The following FRY variants were observed in gnomAD, a reference collection of about 807,000 sequenced individuals.
FRY encodes the protein protein furry homolog.
A neutral mutation model predicts 348.4 loss-of-function variants in FRY; 128 were observed. That is an observed-to-expected ratio of 0.37 (90% confidence interval 0.32 to 0.43). FRY has a LOEUF of 0.43. Among genes scored for constraint, FRY ranks in the 20% least tolerant of loss-of-function variants. The probability of loss-of-function intolerance (pLI) is 1.00; values close to 1 mark genes in which losing one functional copy is unlikely to be tolerated. For missense variants in FRY, 2,736 were observed against 3,695.2 expected (o/e 0.74, Z 6.73); for synonymous variants, 1,370 against 1,374.7 (o/e 1.00, Z 0.08).
At chr13:32,188,956 T>C (rs1020573371) in intron 28 of FRY, among the ~76,000 whole-genome samples, 2 of 152,128 alleles carry the variant, frequency 1.3e-5, no homozygotes, top group African/African-American at 2.4e-5. Flanking sequence ...GTGTTGGTTA[T>C]TGTGTCTGCT....
Position 32,237,803 on chromosome 13 carries a change from G to T in FRY, c.6235G>T (p.Ala2079Ser). 4 of 1,614,190 alleles carry T rather than the reference G, an allele frequency of 2.5e-6. No individual in the cohort carries two copies. The highest frequency in any genetic ancestry group is 3.4e-6 in the Non-Finnish European group (4 of 1,180,026). Reference protein sequence around the residue: ...RLLAHMPLDKAENREKLEKLQ... With the variant: ...RLLAHMPLDKSENREKLEKLQ... ...ACTGGCACATATGCCACTCGATAAGGCTGAGAACCGAGAAAAGCTTGAGAA... is the reference window on the plus strand; with the variant it reads ...ACTGGCACATATGCCACTCGATAAGTCTGAGAACCGAGAAAAGCTTGAGAA... Residue 2079 changes from alanine to serine, a missense_variant, in exon 44 of 61, where the codon GCT (alanine) becomes TCT (serine). This residue lies in a region of FRY where 789 missense variants were observed against 996.2 expected (regional missense o/e 0.79). Transcript: ENST00000542859. The surrounding 1 kb of genome is among the most constrained non-coding windows in gnomAD (Gnocchi z 6.3).
intron 60 of FRY, 88 bp from the exon 61 acceptor site, chr13:32,295,114 G>A (rs1037673475): frequency 4.5e-5 from 54 of 1,198,140 alleles, no homozygotes; most frequent in Non-Finnish European, 6.2e-5. Context: ...TTTTTAAAAA[G>A]TAATACTCTT....
intron 28 of FRY, among the ~76,000 whole-genome samples, chr13:32,188,973 C>T (rs539918658): frequency 1.3e-5 from 2 of 152,182 alleles, no homozygotes; most frequent in East Asian, 1.9e-4. Flanking sequence ...TGCTGTTAAT[C>T]GTCAGTCCTC....
chr13:32,295,330 G>C lies in FRY; in HGVS notation c.8912G>C (p.Ser2971Thr). 2 of 1,580,196 alleles carry C rather than the reference G, an allele frequency of 1.3e-6. No homozygotes were observed. The highest frequency in any genetic ancestry group is 1.7e-6 in the Non-Finnish European group (2 of 1,163,952). Residue 2971 changes from serine to threonine, a missense_variant, in exon 61 of 61, where the codon AGC becomes ACC. This residue lies in a region of FRY where 157 missense variants were observed against 215.2 expected (regional missense o/e 0.73). Transcript: ENST00000542859. ...GTYALVGSNQ[S>T]LTEICTKLME... The stretch of plus-strand genomic sequence containing the variant: ...TATGCCCTGGTGGGGTCTAACCAGA[G>C]CCTGACCGAGATCTGCACCAAGCTG...
intron 1 of FRY, among the ~76,000 whole-genome samples, chr13:32,046,195 A>G (rs1480832796): frequency 1.3e-5 from 2 of 152,116 alleles, no homozygotes; most frequent in African/African-American, 4.8e-5. Flanking sequence ...GATAGAGATA[A>G]ATTGTGGATA....
chr13:32,211,060 C>T, intron 34 of FRY, 26 bp downstream of exon 34: 1 of 1,606,874 alleles, frequency 6.2e-7, no homozygotes, highest in Non-Finnish European at 8.5e-7. Flanking sequence ...GGGCAGACAC[C>T]TGGTCACAGA....
At chr13:32,219,837 A>G (rs1407978568) in intron 36 of FRY, among the ~76,000 whole-genome samples, 1 of 152,118 alleles carries the variant, frequency 6.6e-6, no homozygotes, top group Non-Finnish European at 1.5e-5. Flanking sequence ...ATCTGTTCCT[A>G]TGTTGAATTT....
chr13:32,291,400 C>CTT lies in FRY; in HGVS notation c.8580+1670_8580+1671dup, dbSNP rs758125136. Among the ~76,000 whole-genome samples, 372 of 142,210 alleles carry CTT rather than the reference C, an allele frequency of 2.6e-3. 4 individuals are homozygous for CTT. Among genetic ancestry groups the CTT allele is most frequent in the African/African-American group, 9.0e-3 (348 of 38,852 alleles). 93.3% of individuals were successfully genotyped at this position (142,210 alleles called of 152,430 possible). A position where few individuals can be genotyped will look rare whatever the true frequency, so the allele number is the denominator to read the frequency against. On this transcript the variant is annotated intron_variant, in intron 59 of 60. Coordinates refer to ENST00000542859, the MANE Select transcript of FRY (RefSeq NM_023037.3). ...AAGATAAACTTTACTTTTTCTTTTT[C>CTT]TTTTTTTTTTTTTTCTTTTTTCGAG...
chr13:32,179,542 T>TGTG (rs59562533), intron 22 of FRY, 133 bp from the exon 23 acceptor site: 138 of 737,614 alleles, frequency 1.9e-4, no homozygotes, highest in South Asian at 2.7e-4. Flanking sequence ...TGTGTGTGTG[T>TGTG]TTCCTGAAAT....
chr13:32,295,294 A>C lies in FRY; in HGVS notation c.8876A>C (p.Gln2959Pro). ...TATTTCCGTCACCAAACTCTGGGAC[A>C]GACGGGTACTTATGCCCTGGTGGGG... is the stretch of plus-strand genomic sequence containing the variant. ...NIYFRHQTLG[Q>P]TGTYALVGSN... Residue 2959 changes from glutamine to proline, a missense_variant, in exon 61 of 61, where the codon CAG (glutamine) becomes CCG (proline). Physicochemically the swap from Gln to Pro is moderately conservative, Grantham distance 76. Coordinates refer to ENST00000542859, the MANE Select transcript of FRY (RefSeq NM_023037.3). The C allele has an allele frequency of 6.2e-7, 1 of 1,614,056 alleles. No homozygotes were observed. Among genetic ancestry groups the C allele is most frequent in the Non-Finnish European group, 8.5e-7 (1 of 1,179,906 alleles).
At position 32,155,527 on chromosome 13, in the gene FRY, G is replaced by T; in HGVS notation, c.1516G>T (p.Ala506Ser). The T allele has an allele frequency of 2.5e-6, 4 of 1,613,714 alleles. No individual in the cohort carries two copies. Among genetic ancestry groups the T allele is most frequent in the Non-Finnish European group, 3.4e-6 (4 of 1,179,660 alleles). ...NIGLRAFLVI[A>S]DSLQQKDGEP... ...TGGTTTACGGGCATTCTTGGTCATAGCTGATAGCTTGCAGCAGAAAGATGG... is the reference window on the plus strand; with the variant it reads ...TGGTTTACGGGCATTCTTGGTCATATCTGATAGCTTGCAGCAGAAAGATGG... The change falls in exon 15 of 61, where the codon GCT (alanine) becomes TCT (serine). Residue 506 changes from alanine to serine, a missense_variant. Transcript: ENST00000542859.
chr13:32,273,447 C>T (rs568415575), intron 55 of FRY, among the ~76,000 whole-genome samples: 131 of 152,254 alleles, frequency 8.6e-4, no homozygotes, highest in Non-Finnish European at 1.4e-3. Context: ...TGGTCTCGAT[C>T]TCCTGACCTC....
intron 49 of FRY, among the ~76,000 whole-genome samples, chr13:32,250,967 G>A (rs1887048916): frequency 6.6e-6 from 1 of 152,190 alleles, no homozygotes; most frequent in African/African-American, 2.4e-5. Flanking sequence ...AAGTCCTCCT[G>A]TCTCTGACCT....
chr13:32,176,987 A>G (rs1223537320), intron 20 of FRY, among the ~76,000 whole-genome samples: 5 of 152,200 alleles, frequency 3.3e-5, no homozygotes, highest in Non-Finnish European at 5.9e-5. Flanking sequence ...CTCATCTCTC[A>G]GGCTCTGTAG....
rs1408513351 is a variant in FRY at position 32,171,267 on chromosome 13, A to G, written c.2148A>G (p.Ser716=). 1.9e-6 allele frequency: 3 copies of G among 1,586,504 alleles called. No homozygotes were observed. In the Admixed American group the frequency reaches 5.0e-5, roughly 27 times the overall value. ...AACAAGCCAACAAAATCAGAAATTC[A>G]GAGGTGATTTTCACACCTTACCCAT... is the stretch of plus-strand genomic sequence containing the variant. ...VYEQANKIRN[S]ELIANGSSHR... The change falls in exon 18 of 61, where the codon TCA becomes TCG. Residue 716 remains serine (S), a synonymous_variant. Coordinates refer to ENST00000542859, the MANE Select transcript of FRY (RefSeq NM_023037.3).
intron 1 of FRY, among the ~76,000 whole-genome samples, chr13:32,036,367 C>A (rs905168006): frequency 6.6e-6 from 1 of 152,156 alleles, no homozygotes; most frequent in Admixed American, 6.5e-5. Flanking sequence ...GTCACTTCTG[C>A]TAACGTAGTT....
At chr13:32,218,967 A>T in intron 36 of FRY, 136 bp downstream of exon 36, 2 of 668,366 alleles carry the variant, frequency 3.0e-6, no homozygotes, top group Admixed American at 2.3e-5. Context: ...CCACCTATGC[A>T]GATGAGCATA....
At chr13:32,049,391 C>T (rs1002887265) in intron 1 of FRY, among the ~76,000 whole-genome samples, 1 of 152,080 alleles carries the variant, frequency 6.6e-6, no homozygotes, top group Non-Finnish European at 1.5e-5. Context: ...AAGGATCTGC[C>T]GAAAGGTCTG....
At chr13:32,181,258 A>G (rs1882689671) in intron 23 of FRY, among the ~76,000 whole-genome samples, 1 of 152,078 alleles carries the variant, frequency 6.6e-6, no homozygotes, top group South Asian at 2.1e-4. Flanking sequence ...CCAGAGTTTT[A>G]CTAGTTATTG....
Sources: allele counts gnomAD v4.1 joint callset (sites outside exome capture counted in the v4.1 genomes callset), GRCh38; gene constraint gnomAD v4.1.1; regional missense constraint gnomAD v4.1.1; non-coding constraint Gnocchi (gnomAD v3.1); transcripts MANE v1.5; gene names NCBI Gene and HGNC (gene_info 2026-07-23, HGNC 2026-07-21).